BMERB1: variants seen among roughly 807,000 people sequenced by gnomAD.
BMERB1 encodes the protein bMERB domain containing 1.
A neutral mutation model predicts 23.6 loss-of-function variants in BMERB1; 12 were observed. The observed-to-expected ratio is 0.51, with a 90% CI of 0.33 to 0.82. BMERB1 has a LOEUF of 0.82. Among genes scored for constraint, BMERB1 ranks in the 40% least tolerant of loss-of-function variants. BMERB1 has a pLI of 0.03. For synonymous variants in BMERB1, 122 were observed against 96.6 expected, an observed-to-expected ratio of 1.26 and a Z score of -1.54; for missense variants, 247 against 255.4, an observed-to-expected ratio of 0.97 and a Z score of 0.22.
At chr16:15,581,159 C>A in intron 3 of BMERB1, 58 bp from the exon 4 acceptor site, 1 of 1,308,634 alleles carries the variant, frequency 7.6e-7, no homozygotes, top group South Asian at 1.3e-5. Context: ...TCAAGTGATC[C>A]GCCCACCTCA....
intron 1 of BMERB1, among the ~76,000 whole-genome samples, chr16:15,468,965 C>CTTTTTTTTTTTTTTT: frequency 7.9e-6 from 1 of 126,432 alleles, no homozygotes; most frequent in Non-Finnish European, 1.6e-5. Flanking sequence ...CATCTTCACA[C>CTTTTTTTTTTTTTTT]TTTTTTTTTT....
intron 1 of BMERB1, among the ~76,000 whole-genome samples, chr16:15,497,880 C>CG (rs2051489334): frequency 6.6e-6 from 1 of 152,174 alleles, no homozygotes; most frequent in East Asian, 1.9e-4. Context: ...CTCCTGCCCC[C>CG]GGGTTCCTGT....
At chr16:15,465,896 C>T (rs1457521038) in intron 1 of BMERB1, among the ~76,000 whole-genome samples, 2 of 152,152 alleles carry the variant, frequency 1.3e-5, no homozygotes, top group African/African-American at 4.8e-5. Flanking sequence ...AGGATTTATG[C>T]ATGTTGAAAC....
chr16:15,521,111 G>T (rs139150574), intron 2 of BMERB1, among the ~76,000 whole-genome samples: 2 of 152,172 alleles, frequency 1.3e-5, no homozygotes, highest in African/African-American at 2.4e-5. Flanking sequence ...CAGGGAGATG[G>T]ATTTGAGACT....
rs1307985883 is a variant in BMERB1 at position 15,520,451 on chromosome 16, G to A, written c.230+5023G>A. ...TGGACTTTTCTGTACCATTGAAACTGACCCAATAGTCCCATCATAGATGTT... is the reference window on the plus strand; with the variant it reads ...TGGACTTTTCTGTACCATTGAAACTAACCCAATAGTCCCATCATAGATGTT... On this transcript the variant is annotated intron_variant, in intron 2 of 5. Coordinates refer to ENST00000300006, the MANE Select transcript of BMERB1 (RefSeq NM_033201.3). 2.0e-5 allele frequency among the ~76,000 whole-genome samples: 3 copies of A among 149,718 alleles called. No individual in the cohort carries two copies. The East Asian group carries it at 5.9e-4, about 29-fold the overall frequency.
intron 2 of BMERB1, among the ~76,000 whole-genome samples, chr16:15,531,007 G>A (rs1053787230): frequency 6.9e-6 from 1 of 145,920 alleles, no homozygotes; most frequent in African/African-American, 2.5e-5. Flanking sequence ...CCGGGTTCAA[G>A]CAATTATTCG....
At chr16:15,581,762 G>A (rs996642019) in intron 4 of BMERB1, among the ~76,000 whole-genome samples, 8 of 152,156 alleles carry the variant, frequency 5.3e-5, no homozygotes, top group Non-Finnish European at 1.2e-4. Context: ...TGGCGCCAAT[G>A]CCCTTTTCTA....
At chr16:15,570,776 A>G (rs2030705853) in intron 3 of BMERB1, among the ~76,000 whole-genome samples, 1 of 151,692 alleles carries the variant, frequency 6.6e-6, no homozygotes, top group African/African-American at 2.4e-5. Context: ...GGGGTAGATT[A>G]TTCATGAGTT....
chr16:15,575,886 G>A (rs777640173), intron 3 of BMERB1, among the ~76,000 whole-genome samples: 6 of 151,930 alleles, frequency 3.9e-5, no homozygotes, highest in Non-Finnish European at 5.9e-5. Flanking sequence ...AAAGGAGGAG[G>A]GTTTGCAAAG....
chr16:15,505,458 AGTATTTAG>A (rs544079537), intron 1 of BMERB1, among the ~76,000 whole-genome samples: 209 of 152,342 alleles, frequency 1.4e-3, no homozygotes, highest in Non-Finnish European at 2.5e-3. Context: ...AGCAGGCTAT[AGTATTTAG>A]CAAGAATTTA....
chr16:15,580,549 CT>C lies in BMERB1; in HGVS notation c.305-652del, dbSNP rs35826126. Among the ~76,000 whole-genome samples the C allele has an allele frequency of 5.5e-3, 757 of 138,596 alleles. 1 individual carries two copies. Among genetic ancestry groups the C allele is most frequent in the Middle Eastern group, 0.015 (4 of 262 alleles). 90.9% of individuals were successfully genotyped at this position (138,596 alleles called of 152,430 possible). A position where few individuals can be genotyped will look rare whatever the true frequency, so the allele number is the denominator to read the frequency against. On this transcript the variant is annotated intron_variant, in intron 3 of 5. Transcript: ENST00000300006. ...CAATCCTGGCCGCTCAGCTCAAGTG[CT>C]TTTTTTTTTTTTTTTGAGACAGAGT...
At chr16:15,473,659 A>T (rs766076599) in intron 1 of BMERB1, among the ~76,000 whole-genome samples, 3 of 152,154 alleles carry the variant, frequency 2.0e-5, no homozygotes, top group Non-Finnish European at 4.4e-5. Context: ...TCGCCTGAGA[A>T]TGTCTTTGTT....
Position 15,567,968 on chromosome 16 carries a change from G to C in BMERB1, c.231-15G>C, listed in dbSNP as rs773056121. ...GCTGATGTAACCTGCTGTTGATGGT[G>C]TCCTGTTTCCCCAGGATGGATGACA... On this transcript the variant is annotated splice_polypyrimidine_tract_variant and intron_variant, in intron 2 of 5. Transcript: ENST00000300006. 1 of 1,608,430 alleles carries C rather than the reference G, an allele frequency of 6.2e-7. No homozygotes were observed. Among genetic ancestry groups the C allele is most frequent in the Admixed American group, 1.7e-5 (1 of 59,866 alleles).
At chr16:15,525,643 TG>T (rs1337891159) in intron 2 of BMERB1, among the ~76,000 whole-genome samples, 2 of 150,620 alleles carry the variant, frequency 1.3e-5, no homozygotes, top group African/African-American at 4.9e-5. Context: ...AGGTGGAGGT[TG>T]CAGTGAGCCA....
chr16:15,541,222 A>T (rs570737766), intron 2 of BMERB1, among the ~76,000 whole-genome samples: 158 of 152,160 alleles, frequency 1.0e-3, no homozygotes, highest in Middle Eastern at 3.4e-3. Flanking sequence ...AGAGAGATGC[A>T]TTGGGCAAGG....
intron 1 of BMERB1, among the ~76,000 whole-genome samples, chr16:15,479,955 AT>A (rs1366107222): frequency 6.7e-6 from 1 of 148,760 alleles, no homozygotes; most frequent in Non-Finnish European, 1.5e-5. Context: ...TGTCTCAAAA[AT>A]TTTTTTCTAA....
intron 2 of BMERB1, among the ~76,000 whole-genome samples, chr16:15,538,145 C>G (rs1172193111): frequency 1.3e-5 from 2 of 152,136 alleles, no homozygotes; most frequent in East Asian, 3.9e-4. Flanking sequence ...GTGAGCTATA[C>G]CAGGTCATTA....
chr16:15,548,673 T>C (rs1442355814), intron 2 of BMERB1, among the ~76,000 whole-genome samples: 1 of 152,212 alleles, frequency 6.6e-6, no homozygotes, highest in African/African-American at 2.4e-5. Context: ...CAGAGATTAC[T>C]TGCGTTTTCT....
intron 1 of BMERB1, among the ~76,000 whole-genome samples, chr16:15,446,915 T>C (rs2050994794): frequency 6.6e-6 from 1 of 152,130 alleles, no homozygotes; most frequent in Admixed American, 6.5e-5. Context: ...TTTGAAGACT[T>C]GTAGCTTCAC....
Sources: allele counts gnomAD v4.1 joint callset (sites outside exome capture counted in the v4.1 genomes callset), GRCh38; gene constraint gnomAD v4.1.1; transcripts MANE v1.5; gene names NCBI Gene and HGNC (gene_info 2026-07-23, HGNC 2026-07-21).